The following PCNT variants were observed in gnomAD, a reference collection of about 807,000 sequenced individuals.
The protein encoded by PCNT is pericentrin.
PCNT carries 319 observed loss-of-function variants against 380.4 expected under a neutral mutation model. That is an observed-to-expected ratio of 0.84 (90% CI 0.77 to 0.92). The LOEUF is 0.92. PCNT is among the 40% of genes least tolerant of loss of function. The probability of loss-of-function intolerance (pLI) is 0.00; values close to 1 mark genes in which losing one functional copy is unlikely to be tolerated. For missense variants in PCNT, 4,400 were observed against 4,255.3 expected (o/e 1.03, Z -0.95); for synonymous variants, 1,845 against 1,735.2 (o/e 1.06, Z -1.57).
chr21:46,354,916 T>G (rs1429482227), intron 11 of PCNT, among the ~76,000 whole-genome samples: 1 of 152,202 alleles, frequency 6.6e-6, no homozygotes, highest in Non-Finnish European at 1.5e-5. Flanking sequence ...AGCCAGGACC[T>G]TCCCACGAGC....
intron 21 of PCNT, among the ~76,000 whole-genome samples, chr21:46,396,668 A>G (rs944817090): frequency 1.3e-5 from 2 of 152,158 alleles, no homozygotes; most frequent in African/African-American, 2.4e-5. Context: ...CAGCAATGCA[A>G]TCTGGGCTCA....
In PCNT at chr21:46,355,515, G is replaced by A. The variant is rs529457692; in HGVS notation, c.1825G>A (p.Glu609Lys). Reference protein sequence around the residue: ...ESHRHQLEALESPLCIQHEGH... With the variant: ...ESHRHQLEALKSPLCIQHEGH... ...CCACAGGCACCAGCTGGAAGCGCTG[G>A]AGTCTCCCCTCTGCATCCAGCACGA... Residue 609 changes from glutamate to lysine, a missense_variant, in exon 12 of 47, where the codon GAG becomes AAG. Transcript: ENST00000359568. 6.2e-7 allele frequency: 1 copy of A among 1,614,092 alleles called. No individual in the cohort carries two copies. Among genetic ancestry groups the A allele is most frequent in the Non-Finnish European group, 8.5e-7 (1 of 1,180,028 alleles).
chr21:46,427,197 C>CTCAT (rs1367879550), intron 33 of PCNT, among the ~76,000 whole-genome samples: 11 of 152,360 alleles, frequency 7.2e-5, no homozygotes, highest in Admixed American at 7.2e-4. Context: ...CTCTTCTGTG[C>CTCAT]TCATGATGGC....
At chr21:46,346,696 C>T (rs765719795) in intron 4 of PCNT, 47 bp from the exon 5 acceptor site, 1 of 1,571,586 alleles carries the variant, frequency 6.4e-7, no homozygotes, top group Non-Finnish European at 8.6e-7. Context: ...CTGATGCGCC[C>T]TGGTTCTGAC....
intron 21 of PCNT, among the ~76,000 whole-genome samples, chr21:46,393,708 T>TGTGTCGTGCCC (rs1254565314): frequency 6.6e-6 from 1 of 152,228 alleles, no homozygotes; most frequent in African/African-American, 2.4e-5. Context: ...GTCAGGTGCC[T>TGTGTCGTGCCC]GTGTCGTGCC....
chr21:46,440,354 T>C (rs1366677588), intron 42 of PCNT, 152 bp downstream of exon 42: 1 of 848,160 alleles, frequency 1.2e-6, no homozygotes, highest in Non-Finnish European at 1.9e-6. Context: ...AGAATAAACT[T>C]CGGCTTGAAT....
chr21:46,416,860 C>T, intron 30 of PCNT, 21 bp downstream of exon 30: 1 of 1,596,436 alleles, frequency 6.3e-7, no homozygotes. Context: ...GCTCTGCTCC[C>T]AGGCCTGCTG....
At chr21:46,426,088 T>TGAGACAGAGTCTCGC in intron 33 of PCNT, 117 bp downstream of exon 33, 3 of 1,071,532 alleles carry the variant, frequency 2.8e-6, no homozygotes, top group African/African-American at 8.1e-5. Context: ...TTTTTTTTTT[T>TGAGACAGAGTCTCGC]TTTTTTTTGA....
chr21:46,423,923 C>T (rs187086381), intron 32 of PCNT, among the ~76,000 whole-genome samples: 56 of 152,168 alleles, frequency 3.7e-4, no homozygotes, highest in Non-Finnish European at 6.5e-4. Context: ...TTGAAAATCA[C>T]AAGGAGTTTT....
At chr21:46,398,281 A>G (rs780183062) in intron 24 of PCNT, 26 bp downstream of exon 24, 6 of 1,592,116 alleles carry the variant, frequency 3.8e-6, no homozygotes, top group Non-Finnish European at 5.1e-6. Context: ...CGAGATGGGC[A>G]CTCCCTGCGC....
rs2083670210 is a variant in PCNT at position 46,334,565 on chromosome 21, T to A, written c.436T>A (p.Phe146Ile). Reference protein sequence around the residue: ...GDHPPEQRGMFTVSDHPPEQH... With the variant: ...GDHPPEQRGMITVSDHPPEQH... ...CCACCCACCAGAACAGCGTGGGATG[T>A]TCACAGTCAGTGACCACCCACCAGA... Residue 146 changes from phenylalanine (F) to isoleucine (I), a missense_variant, in exon 3 of 47, where the codon TTC becomes ATC. Coordinates refer to ENST00000359568, the MANE Select transcript of PCNT (RefSeq NM_006031.6). 3 of 1,573,454 alleles carry A rather than the reference T, an allele frequency of 1.9e-6. No homozygotes were observed. Among genetic ancestry groups the A allele is most frequent in the Non-Finnish European group, 2.6e-6 (3 of 1,146,412 alleles).
intron 29 of PCNT, among the ~76,000 whole-genome samples, chr21:46,413,509 G>A (rs1296216052): frequency 6.6e-6 from 1 of 152,230 alleles, no homozygotes; most frequent in Non-Finnish European, 1.5e-5. Context: ...TCTGTAACGA[G>A]CTGTCCATAA....
At chr21:46,361,569 C>T (rs1178136606) in intron 13 of PCNT, among the ~76,000 whole-genome samples, 1 of 152,160 alleles carries the variant, frequency 6.6e-6, no homozygotes, top group Non-Finnish European at 1.5e-5. Context: ...TCACATCCGC[C>T]TCCTGCAGTG....
chr21:46,402,425 A>G lies in PCNT; in HGVS notation c.5057A>G (p.Gln1686Arg). 2.5e-6 allele frequency: 4 copies of G among 1,614,074 alleles called. No individual in the cohort carries two copies. The highest frequency in any genetic ancestry group is 3.4e-6 in the Non-Finnish European group (4 of 1,179,894). ...CATCTGAACTTAAAATTGGACATGC[A>G]GAACAGCCAGACTGCTGTCAGCCTC... Reference protein sequence around the residue: ...ILHLNLKLDMQNSQTAVSLRE... With the variant: ...ILHLNLKLDMRNSQTAVSLRE... The change falls in exon 27 of 47, where the codon CAG (glutamine) becomes CGG (arginine). Residue 1686 changes from glutamine to arginine, a missense_variant. Coordinates refer to ENST00000359568, the MANE Select transcript of PCNT (RefSeq NM_006031.6).
At chr21:46,435,286 C>T (rs1277505839) in intron 38 of PCNT, among the ~76,000 whole-genome samples, 9 of 152,008 alleles carry the variant, frequency 5.9e-5, no homozygotes, top group Non-Finnish European at 1.3e-4. Context: ...AGTGCAGTGG[C>T]GCAATCTCAG....
chr21:46,362,425 A>G (rs1438949236), intron 13 of PCNT, among the ~76,000 whole-genome samples: 1 of 152,124 alleles, frequency 6.6e-6, no homozygotes, highest in Non-Finnish European at 1.5e-5. Flanking sequence ...GGATCTCTCC[A>G]CAGCCTTCAG....
At chr21:46,401,233 A>AT (rs1366231231) in intron 25 of PCNT, among the ~76,000 whole-genome samples, 6 of 152,092 alleles carry the variant, frequency 3.9e-5, no homozygotes, top group South Asian at 2.1e-4. Flanking sequence ...CCATTGCCCT[A>AT]TTTTTTTTGG....
At chr21:46,385,808 A>C in intron 16 of PCNT, 24 bp from the exon 17 acceptor site, 1 of 1,613,832 alleles carries the variant, frequency 6.2e-7, no homozygotes, top group Non-Finnish European at 8.5e-7. Context: ...TTTTAACGAA[A>C]GCTTTAACCA....
chr21:46,431,315 C>A, intron 37 of PCNT: 1 of 1,423,596 alleles, frequency 7.0e-7, no homozygotes, highest in Non-Finnish European at 9.2e-7. Context: ...GGACTCAACA[C>A]CATTTCCGAA....
Sources: gnomAD v4.1 joint callset for allele counts (sites outside exome capture counted in the v4.1 genomes callset) on GRCh38, gnomAD v4.1.1 for gene constraint, MANE v1.5 for transcripts, NCBI Gene and HGNC (gene_info 2026-07-23, HGNC 2026-07-21) for gene names.